Variants in SWT1 observed in about 807,000 individuals in gnomAD.
The protein encoded by SWT1 is transcriptional protein SWT1.
Under a neutral mutation model 107.3 loss-of-function variants are expected in SWT1, and 33 were observed. That is an observed-to-expected ratio of 0.31 (90% CI 0.23 to 0.41). The LOEUF (loss-of-function observed/expected upper bound fraction) is 0.41. Among genes scored for constraint, SWT1 ranks in the 10% least tolerant of loss-of-function variants. The probability of loss-of-function intolerance (pLI) is 1.00; values close to 1 mark genes in which losing one functional copy is unlikely to be tolerated. For synonymous variants in SWT1, 345 were observed against 348.3 expected (o/e 0.99, Z 0.11); for missense variants, 898 against 1,028.9 (o/e 0.87, Z 1.74).
chr1:185,273,289 C>T (rs759717922), intron 17 of SWT1, among the ~76,000 whole-genome samples: 2 of 152,070 alleles, frequency 1.3e-5, no homozygotes, highest in Non-Finnish European at 2.9e-5. Flanking sequence ...CCTGCAATCC[C>T]AGCTACTCGT....
At chr1:185,257,212 C>T (rs1571637056) in intron 16 of SWT1, among the ~76,000 whole-genome samples, 1 of 152,104 alleles carries the variant, frequency 6.6e-6, no homozygotes, top group South Asian at 2.1e-4. Flanking sequence ...TTTAAGTCTG[C>T]AGAGGTTACT....
intron 18 of SWT1, among the ~76,000 whole-genome samples, chr1:185,279,388 CAT>C (rs1664472718): frequency 6.6e-6 from 1 of 152,044 alleles, no homozygotes. Flanking sequence ...GTCAAATGTT[CAT>C]AGTTAAAGTA....
intron 2 of SWT1, among the ~76,000 whole-genome samples, chr1:185,165,744 A>G (rs1448588919): frequency 6.6e-6 from 1 of 152,184 alleles, no homozygotes; most frequent in Non-Finnish European, 1.5e-5. Context: ...CTCTCCTGAC[A>G]TAATTTGCTT....
chr1:185,241,468 GTTGC>G (rs1240669891), intron 16 of SWT1, among the ~76,000 whole-genome samples: 1 of 152,074 alleles, frequency 6.6e-6, no homozygotes, highest in Non-Finnish European at 1.5e-5. Flanking sequence ...AAGTATATCA[GTTGC>G]TTTGTTGAGT....
chr1:185,274,127 T>C (rs898425652), intron 17 of SWT1, among the ~76,000 whole-genome samples: 1 of 152,046 alleles, frequency 6.6e-6, no homozygotes, highest in African/African-American at 2.4e-5. Flanking sequence ...ACCTAACTTA[T>C]TAATTATAAG....
intron 10 of SWT1, among the ~76,000 whole-genome samples, chr1:185,200,813 A>C (rs1161596022): frequency 6.6e-6 from 1 of 152,152 alleles, no homozygotes; most frequent in Non-Finnish European, 1.5e-5. Context: ...CAGAGCCGGC[A>C]GGCAGGAACG....
chr1:185,169,770 C>A (rs1016128248), intron 4 of SWT1, among the ~76,000 whole-genome samples: 1 of 151,742 alleles, frequency 6.6e-6, no homozygotes. Flanking sequence ...CTAACTTCAG[C>A]CCAGGATTAA....
At chr1:185,242,800 G>A (rs1180527586) in intron 16 of SWT1, among the ~76,000 whole-genome samples, 3 of 151,836 alleles carry the variant, frequency 2.0e-5, no homozygotes, top group Non-Finnish European at 4.4e-5. Context: ...ATGATTTATT[G>A]TTCTGATATT....
chr1:185,288,495 G>A (rs919695686), intron 18 of SWT1, among the ~76,000 whole-genome samples: 3 of 151,924 alleles, frequency 2.0e-5, no homozygotes, highest in East Asian at 1.9e-4. Flanking sequence ...GTCCTGTCCC[G>A]AGTTCTGATT....
intron 7 of SWT1, among the ~76,000 whole-genome samples, 171 bp from the exon 8 acceptor site, chr1:185,184,072 A>G (rs1414331224): frequency 1.3e-5 from 2 of 152,242 alleles, no homozygotes; most frequent in African/African-American, 2.4e-5. Context: ...TACGGGCCGG[A>G]TAGATATCAG....
At chr1:185,201,828 C>T (rs1330574767) in intron 10 of SWT1, among the ~76,000 whole-genome samples, 2 of 152,146 alleles carry the variant, frequency 1.3e-5, no homozygotes, top group Non-Finnish European at 2.9e-5. Flanking sequence ...GGGAAATGCC[C>T]TCAGGTAAAA....
chr1:185,201,768 A>G (rs1046182304), intron 10 of SWT1, among the ~76,000 whole-genome samples: 27 of 152,086 alleles, frequency 1.8e-4, no homozygotes, highest in Admixed American at 2.6e-4. Context: ...AACCTTGAAC[A>G]TGGTTCTTTG....
At chr1:185,238,515 A>C (rs1486221590) in intron 16 of SWT1, among the ~76,000 whole-genome samples, 2 of 152,212 alleles carry the variant, frequency 1.3e-5, no homozygotes, top group African/African-American at 2.4e-5. Flanking sequence ...ATTTGTGTAG[A>C]GCAAGGAAGT....
At chr1:185,213,672 C>G (rs1659000260) in intron 13 of SWT1, among the ~76,000 whole-genome samples, 1 of 152,090 alleles carries the variant, frequency 6.6e-6, no homozygotes, top group Non-Finnish European at 1.5e-5. Flanking sequence ...AACAGTATAG[C>G]ATGGTTATTT....
At chr1:185,256,526 T>TCATTTCATC (rs1201186225) in intron 16 of SWT1, among the ~76,000 whole-genome samples, 35 of 150,084 alleles carry the variant, frequency 2.3e-4, no homozygotes, top group African/African-American at 8.2e-4. Context: ...TTCATTTCAT[T>TCATTTCATC]CATTTCATCT....
chr1:185,227,523 ATC>A (rs1445635960), intron 15 of SWT1: 7 of 537,992 alleles, frequency 1.3e-5, no homozygotes, highest in Non-Finnish European at 2.1e-5. Context: ...GACAAATGAT[ATC>A]TCTGTTTGTT....
At chr1:185,237,932 G>T (rs991340941) in intron 16 of SWT1, among the ~76,000 whole-genome samples, 1 of 151,516 alleles carries the variant, frequency 6.6e-6, no homozygotes, top group Admixed American at 6.6e-5. Context: ...AGGACACCTA[G>T]CACTAGGGAT....
At chr1:185,281,517 T>C in intron 18 of SWT1, 1 of 209,862 alleles carries the variant, frequency 4.8e-6, no homozygotes, top group South Asian at 7.5e-5. Flanking sequence ...AAGCTACCCA[T>C]AAACCATCAG....
At chr1:185,214,051 A>G (rs541120288) in intron 13 of SWT1, among the ~76,000 whole-genome samples, 3 of 152,286 alleles carry the variant, frequency 2.0e-5, no homozygotes, top group Admixed American at 2.0e-4. Flanking sequence ...GGAGTTGAAG[A>G]TAAATCACTA....
Sources: allele counts gnomAD v4.1 joint callset (sites outside exome capture counted in the v4.1 genomes callset), GRCh38; gene constraint gnomAD v4.1.1; transcripts MANE v1.5; gene names NCBI Gene and HGNC (gene_info 2026-07-23, HGNC 2026-07-21).